RHOJ: variants seen among roughly 807,000 people sequenced by gnomAD.
The protein encoded by RHOJ is rho-related GTP-binding protein RhoJ.
RHOJ carries 11 observed loss-of-function variants against 23.4 expected under a neutral mutation model. The observed-to-expected ratio is 0.47, with a 90% CI of 0.30 to 0.78. The LOEUF (loss-of-function observed/expected upper bound fraction) is 0.78, where lower values mean the gene tolerates loss of function less well. RHOJ is among the 30% of genes least tolerant of loss of function. The pLI is 0.08. For synonymous variants in RHOJ, 102 were observed against 102.7 expected (o/e 0.99, Z 0.04); for missense variants, 254 against 273.4 (o/e 0.93, Z 0.50).
At chr14:63,238,826 G>A (rs766499942) in intron 1 of RHOJ, among the ~76,000 whole-genome samples, 1 of 152,134 alleles carries the variant, frequency 6.6e-6, no homozygotes, top group Non-Finnish European at 1.5e-5. Context: ...ATATATATCC[G>A]CACATATTCC....
intron 1 of RHOJ, among the ~76,000 whole-genome samples, chr14:63,219,184 T>C (rs1894430179): frequency 6.6e-6 from 1 of 152,170 alleles, no homozygotes; most frequent in Non-Finnish European, 1.5e-5. Flanking sequence ...AGCCAGTATC[T>C]AGTTATTCCC....
intron 1 of RHOJ, among the ~76,000 whole-genome samples, chr14:63,206,573 T>A (rs1034664601): frequency 1.3e-5 from 2 of 152,092 alleles, no homozygotes; most frequent in Non-Finnish European, 2.9e-5. Context: ...ACTGAAAACC[T>A]AAAGGGAGAG....
intron 1 of RHOJ, among the ~76,000 whole-genome samples, chr14:63,240,487 A>G (rs1357656353): frequency 6.6e-6 from 1 of 152,210 alleles, no homozygotes; most frequent in Non-Finnish European, 1.5e-5. Context: ...ATCTCAGAGA[A>G]GGGAAAAGAA....
At chr14:63,233,171 G>T (rs1210285399) in intron 1 of RHOJ, among the ~76,000 whole-genome samples, 1 of 152,156 alleles carries the variant, frequency 6.6e-6, no homozygotes, top group Non-Finnish European at 1.5e-5. Flanking sequence ...AGAGGGCTTT[G>T]TATTCTGAAA....
At chr14:63,256,112 C>T (rs1313000105) in intron 1 of RHOJ, among the ~76,000 whole-genome samples, 1 of 151,950 alleles carries the variant, frequency 6.6e-6, no homozygotes, top group African/African-American at 2.4e-5. Flanking sequence ...TTCTTGAATT[C>T]CTGGGCTCAA....
chr14:63,216,767 G>A (rs1594751565), intron 1 of RHOJ, among the ~76,000 whole-genome samples: 1 of 152,146 alleles, frequency 6.6e-6, no homozygotes, highest in Non-Finnish European at 1.5e-5. Context: ...TACATCTTCA[G>A]TGTCAATATT....
At chr14:63,210,977 A>G (rs1485472228) in intron 1 of RHOJ, among the ~76,000 whole-genome samples, 1 of 152,242 alleles carries the variant, frequency 6.6e-6, no homozygotes, top group Non-Finnish European at 1.5e-5. Flanking sequence ...TTGCAAACCC[A>G]GGCTGCCTAT....
chr14:63,265,453 T>C (rs1895350577), intron 1 of RHOJ, among the ~76,000 whole-genome samples: 1 of 152,260 alleles, frequency 6.6e-6, no homozygotes, highest in South Asian at 2.1e-4. Context: ...AGTAGGGTAA[T>C]GTAATACCTT....
intron 1 of RHOJ, among the ~76,000 whole-genome samples, chr14:63,206,956 A>G (rs1894123801): frequency 6.6e-6 from 1 of 152,142 alleles, no homozygotes; most frequent in African/African-American, 2.4e-5. Flanking sequence ...TGGTTTCAGT[A>G]AGGTTAAAAA....
intron 1 of RHOJ, among the ~76,000 whole-genome samples, chr14:63,219,896 A>G (rs957531975): frequency 6.6e-6 from 1 of 152,092 alleles, no homozygotes; most frequent in African/African-American, 2.4e-5. Context: ...GGGAATGCGC[A>G]TCTCTCTAAG....
intron 4 of RHOJ, among the ~76,000 whole-genome samples, chr14:63,287,599 GT>G (rs200884009): frequency 0.1 from 14,219 of 139,280 alleles, 677 homozygotes; most frequent in Non-Finnish European, 0.12. Flanking sequence ...AGTCATTACG[GT>G]TTTTTTTTTT....
intron 1 of RHOJ, among the ~76,000 whole-genome samples, chr14:63,215,236 A>T (rs902619015): frequency 6.6e-6 from 1 of 152,170 alleles, no homozygotes; most frequent in Admixed American, 6.5e-5. Flanking sequence ...TGAAAGAAAG[A>T]TGCATAAATC....
chr14:63,219,645 G>T (rs995702799), intron 1 of RHOJ, among the ~76,000 whole-genome samples: 1 of 151,966 alleles, frequency 6.6e-6, no homozygotes, highest in African/African-American at 2.4e-5. Flanking sequence ...GTGAAACCCT[G>T]TCTCTACTAA....
chr14:63,227,138 GA>G (rs1225540645), intron 1 of RHOJ, among the ~76,000 whole-genome samples: 6 of 152,198 alleles, frequency 3.9e-5, no homozygotes, highest in African/African-American at 1.4e-4. Flanking sequence ...TTTTAGTAGG[GA>G]CGGGGTTTCA....
chr14:63,290,140 C>T (rs1190775171), intron 4 of RHOJ, among the ~76,000 whole-genome samples: 1 of 152,036 alleles, frequency 6.6e-6, no homozygotes. Flanking sequence ...CTACTTGAGA[C>T]GCTGAGGCAG....
At chr14:63,263,160 G>A (rs1432221441) in intron 1 of RHOJ, among the ~76,000 whole-genome samples, 1 of 152,192 alleles carries the variant, frequency 6.6e-6, no homozygotes, top group Non-Finnish European at 1.5e-5. Context: ...GGGGCTCAGA[G>A]ATGGTAGGTG....
chr14:63,262,588 G>C (rs1226741939), intron 1 of RHOJ, among the ~76,000 whole-genome samples: 2 of 152,146 alleles, frequency 1.3e-5, no homozygotes, highest in African/African-American at 2.4e-5. Flanking sequence ...ATAGCTCCAG[G>C]AATAGAAGGT....
At chr14:63,251,691 A>C (rs562982064) in intron 1 of RHOJ, among the ~76,000 whole-genome samples, 1 of 152,370 alleles carries the variant, frequency 6.6e-6, no homozygotes, top group East Asian at 1.9e-4. Flanking sequence ...GTCAAGGGAA[A>C]GGAGGTCCTC....
In RHOJ at chr14:63,204,699, T is replaced by C. The variant is rs1450900848; in HGVS notation, c.-171T>C. The C allele has an allele frequency of 4.7e-6, 3 of 636,258 alleles. No homozygotes were observed. The highest frequency in any genetic ancestry group is 1.8e-5 in the African/African-American group (1 of 54,532). 39.4% of individuals were successfully genotyped at this position (636,258 alleles called of 1,614,324 possible). On this transcript the variant is annotated 5_prime_UTR_variant, in exon 1 of 5. It removes an upstream start codon present in the reference 5' UTR. Transcript: ENST00000316754. The stretch of plus-strand genomic sequence containing the variant: ...TGTGTGTTACCTTTCTTTACCAGCA[T>C]GGTAAGCAACAGGACATATCCCAGC...
Sources: allele counts gnomAD v4.1 joint callset (sites outside exome capture counted in the v4.1 genomes callset), GRCh38; gene constraint gnomAD v4.1.1; transcripts MANE v1.5; gene names NCBI Gene and HGNC (gene_info 2026-07-23, HGNC 2026-07-21).